Variants in LCOR observed in about 807,000 individuals in gnomAD.
The protein encoded by LCOR is ligand-dependent corepressor.
In LCOR, 14 loss-of-function variants were observed where a neutral mutation model predicts 64.4. The ratio of observed to expected loss-of-function variants is 0.22; its 90% CI spans 0.14 to 0.34. The LOEUF (loss-of-function observed/expected upper bound fraction) is 0.34, where lower values mean the gene tolerates loss of function less well. LCOR is among the 10% of genes least tolerant of loss of function. The pLI is 1.00. For synonymous variants in LCOR, 643 were observed against 642.5 expected, an observed-to-expected ratio of 1.00 and a Z score of -0.01; for missense variants, 1,686 against 1,765.3, an observed-to-expected ratio of 0.96 and a Z score of 0.80.
At chr10:96,921,104 T>C (rs1048322059) in intron 4 of LCOR, among the ~76,000 whole-genome samples, 1 of 152,050 alleles carries the variant, frequency 6.6e-6, no homozygotes, top group African/African-American at 2.4e-5. Context: ...GTGCTGGGAT[T>C]ACAGGTGTGA....
intron 4 of LCOR, among the ~76,000 whole-genome samples, chr10:96,933,779 A>G (rs1329874568): frequency 2.6e-5 from 4 of 152,116 alleles, no homozygotes; most frequent in East Asian, 1.9e-4. Flanking sequence ...CAGTTTCCCA[A>G]AGTGCTAGGA....
chr10:96,868,712 T>C (rs1036869846), intron 2 of LCOR, among the ~76,000 whole-genome samples: 14 of 152,204 alleles, frequency 9.2e-5, no homozygotes, highest in African/African-American at 3.4e-4. Context: ...TATACTATTC[T>C]TTCATAGCAC....
intron 6 of LCOR, among the ~76,000 whole-genome samples, chr10:96,950,177 T>G (rs1847653508): frequency 6.6e-6 from 1 of 152,190 alleles, no homozygotes; most frequent in Non-Finnish European, 1.5e-5. Context: ...TATTGTAACC[T>G]TTATTTATTG....
intron 2 of LCOR, among the ~76,000 whole-genome samples, chr10:96,838,856 AC>A (rs2134361298): frequency 6.6e-6 from 1 of 152,114 alleles, no homozygotes; most frequent in Admixed American, 6.5e-5. Context: ...GGATGGAATT[AC>A]TGGGTCATGT....
intron 2 of LCOR, among the ~76,000 whole-genome samples, chr10:96,864,132 A>G (rs1845933015): frequency 6.6e-6 from 1 of 152,214 alleles, no homozygotes. Context: ...CCGGAAGCAC[A>G]TCATAAAATA....
intron 2 of LCOR, among the ~76,000 whole-genome samples, chr10:96,838,065 CT>C (rs1162415347): frequency 6.6e-6 from 1 of 152,196 alleles, no homozygotes; most frequent in African/African-American, 2.4e-5. Context: ...ATTCTATACA[CT>C]TGCACATTGC....
intron 7 of LCOR, chr10:96,963,965 C>T (rs1206145782): frequency 6.6e-6 from 1 of 152,112 alleles, no homozygotes; most frequent in Non-Finnish European, 1.5e-5. Flanking sequence ...TTTCAATATA[C>T]TGTTTACAGT....
rs960109952 is a variant in LCOR, at chr10:96,993,192, C to G, written c.*8058C>G. 2.6e-5 allele frequency: 4 copies of G among 152,182 alleles called. No homozygotes were observed. Among genetic ancestry groups the G allele is most frequent in the African/African-American group, 9.7e-5 (4 of 41,422 alleles). 9.4% of individuals were successfully genotyped at this position (152,182 alleles called of 1,614,324 possible). A position where few individuals can be genotyped will look rare whatever the true frequency, so the allele number is the denominator to read the frequency against. ...GCAGGGCTGGCTGGACTGAGAATTGCAACTCCAGGACAGCAGGGAGCTTTG... is the reference window on the plus strand; with the variant it reads ...GCAGGGCTGGCTGGACTGAGAATTGGAACTCCAGGACAGCAGGGAGCTTTG... On this transcript the variant is annotated 3_prime_UTR_variant, in exon 8 of 8. Transcript: ENST00000421806.
intron 4 of LCOR, among the ~76,000 whole-genome samples, chr10:96,922,443 T>G (rs1383106129): frequency 6.6e-6 from 1 of 152,164 alleles, no homozygotes; most frequent in African/African-American, 2.4e-5. Flanking sequence ...CTATAGGAAT[T>G]TAGAAAATGG....
At chr10:96,910,915 T>C (rs993598511) in intron 4 of LCOR, among the ~76,000 whole-genome samples, 12 of 152,178 alleles carry the variant, frequency 7.9e-5, no homozygotes, top group African/African-American at 2.7e-4. Flanking sequence ...TAAAAACACG[T>C]AGGTGAAAAA....
At chr10:96,923,180 T>C (rs1216782219) in intron 4 of LCOR, among the ~76,000 whole-genome samples, 1 of 152,236 alleles carries the variant, frequency 6.6e-6, no homozygotes, top group Non-Finnish European at 1.5e-5. Context: ...AGTTGCATCA[T>C]GTCAGCTCTT....
At chr10:96,915,113 G>A (rs527736325) in intron 4 of LCOR, among the ~76,000 whole-genome samples, 2 of 152,298 alleles carry the variant, frequency 1.3e-5, no homozygotes, top group South Asian at 4.1e-4. Flanking sequence ...GGAGGGAAAG[G>A]TGTTTTCCCC....
At chr10:96,925,704 T>TATAATAA (rs1847156835) in intron 4 of LCOR, among the ~76,000 whole-genome samples, 1 of 152,192 alleles carries the variant, frequency 6.6e-6, no homozygotes, top group Non-Finnish European at 1.5e-5. Context: ...TTTTCCCCTT[T>TATAATAA]ATAATAAATA....
chr10:96,924,346 G>A (rs1485852469), intron 4 of LCOR, among the ~76,000 whole-genome samples: 1 of 152,046 alleles, frequency 6.6e-6, no homozygotes, highest in Non-Finnish European at 1.5e-5. Context: ...GGGACTGCAG[G>A]CGTGTGCCTC....
rs373813604 is a variant in LCOR, at chr10:96,984,768, G to A, written c.4308G>A (p.Arg1436=). 1 of 1,613,758 alleles carries A rather than the reference G, an allele frequency of 6.2e-7. No homozygotes were observed. The part of the protein sequence containing the change: ...DGATKTPAAK[R]PAARDRSSQP... ...CCACCAAAACCCCTGCTGCCAAGAG[G>A]CCAGCTGCAAGGGACAGAAGCAGCC... The change falls in exon 8 of 8, where the codon AGG becomes AGA. Residue 1436 remains arginine, a synonymous_variant. Transcript: ENST00000421806.
chr10:96,981,701 G>A lies in LCOR; in HGVS notation c.1241G>A (p.Gly414Asp). The A allele has an allele frequency of 6.2e-7, 1 of 1,614,194 alleles. No homozygotes were observed. The highest frequency in any genetic ancestry group is 8.5e-7 in the Non-Finnish European group (1 of 1,180,052). ...TACCATTTACATCCCAGTGATAAGG[G>A]CCAGTTTGATCATTCCAAAGATGGT... ...VGYHLHPSDK[G>D]QFDHSKDGWL... is the part of the protein sequence containing the mutation. The change falls in exon 8 of 8, where the codon GGC becomes GAC. Residue 414 changes from glycine (G) to aspartate (D), a missense_variant. Physicochemically the swap from Gly to Asp is moderately conservative, Grantham distance 94 (BLOSUM62 -1). Around this residue, in one of 3 missense-constraint regions of LCOR, gnomAD observed 1,293 missense variants for 1,410.4 expected, o/e 0.92. Transcript: ENST00000421806.
At chr10:96,953,619 T>G (rs139000249) in intron 7 of LCOR, among the ~76,000 whole-genome samples, 13 of 152,332 alleles carry the variant, frequency 8.5e-5, no homozygotes, top group Non-Finnish European at 1.2e-4. Context: ...GAAGTCCATG[T>G]GCAGTTTGCA....
intron 2 of LCOR, among the ~76,000 whole-genome samples, chr10:96,866,546 G>T (rs533888388): frequency 6.6e-6 from 1 of 152,302 alleles, no homozygotes; most frequent in East Asian, 1.9e-4. Flanking sequence ...CTAGGTTGGA[G>T]ATAGATGTAT....
chr10:96,874,677 G>T (rs1384285983), intron 2 of LCOR, among the ~76,000 whole-genome samples: 1 of 150,110 alleles, frequency 6.7e-6, no homozygotes, highest in Admixed American at 6.7e-5. Context: ...CGCTCTTGTT[G>T]CCCAGGCTGG....
Sources: allele counts gnomAD v4.1 joint callset (sites outside exome capture counted in the v4.1 genomes callset), GRCh38; gene constraint gnomAD v4.1.1; regional missense constraint gnomAD v4.1.1; transcripts MANE v1.5; gene names NCBI Gene and HGNC (gene_info 2026-07-23, HGNC 2026-07-21).